The following C4orf46 variants were observed in gnomAD, a reference collection of about 807,000 sequenced individuals.
C4orf46 encodes the protein chromosome 4 open reading frame 46.
A neutral mutation model predicts 9.1 loss-of-function variants in C4orf46; 8 were observed. The observed-to-expected ratio is 0.88, with a 90% CI of 0.52 to 1.59. C4orf46 has a LOEUF of 1.59. C4orf46 is among the 40% of genes most tolerant of loss of function. The pLI is 0.00. For synonymous variants in C4orf46, 51 were observed against 58.8 expected, an observed-to-expected ratio of 0.87 and a Z score of 0.61; for missense variants, 151 against 139.1, an observed-to-expected ratio of 1.09 and a Z score of -0.43.
At position 158,671,591 on chromosome 4, in the gene C4orf46, G is replaced by C. The variant is rs373552594; in HGVS notation, c.186+25C>G. The C allele has an allele frequency of 6.2e-6, 9 of 1,460,412 alleles. No homozygotes were observed. The South Asian group carries it at 9.8e-5, about 16-fold the overall frequency. The allele number at this position is 1,460,412 out of a possible 1,614,324, so 90.5% of individuals were successfully genotyped here. On this transcript the variant is annotated intron_variant, in intron 1 of 1. Transcript: ENST00000379205. ...GGTCTTCCCAGAGGCGCCGAGGGGG[G>C]ACGCGGTCCCGACACCACACTCACG...
Position 158,667,627 on chromosome 4 carries a change from CAAGTTT to C in C4orf46, c.*1980_*1985del, listed in dbSNP as rs1773414249. 6.6e-6 allele frequency: 1 copy of C among 151,526 alleles called. No homozygotes were observed. The highest frequency in any genetic ancestry group is 2.1e-4 in the South Asian group (1 of 4,784). 9.4% of individuals were successfully genotyped at this position (151,526 alleles called of 1,614,324 possible). A position where few individuals can be genotyped will look rare whatever the true frequency, so the allele number is the denominator to read the frequency against. On this transcript the variant is annotated 3_prime_UTR_variant, in exon 2 of 2. Transcript: ENST00000379205. ...GCGAGATGGGAGGATTGTTTGAGTC[CAAGTTT>C]AAGGTTACAGTGAGCTATGATCCTG...
In C4orf46 at chr4:158,669,560, A is replaced by G. The variant is rs370015762; in HGVS notation, c.*53T>C. 1 of 1,564,182 alleles carries G rather than the reference A, an allele frequency of 6.4e-7. No individual in the cohort carries two copies. Among genetic ancestry groups the G allele is most frequent in the Admixed American group, 1.7e-5 (1 of 59,326 alleles). On this transcript the variant is annotated 3_prime_UTR_variant, in exon 2 of 2. Transcript: ENST00000379205. ...ATGTGTGGTACATGTACAAAATATGACATAAGAAGTATGAATTATTGCAGT... is the reference window on the plus strand; with the variant it reads ...ATGTGTGGTACATGTACAAAATATGGCATAAGAAGTATGAATTATTGCAGT...
In C4orf46 at chr4:158,671,049, ACC is replaced by A. The variant is rs1773521466; in HGVS notation, c.186+565_186+566del. The stretch of plus-strand genomic sequence containing the variant: ...AAAGAAGCCAATCCACGTGACCTAA[ACC>A]CTTCAAGCTGGGTCCAGCGCTAAGC... On this transcript the variant is annotated intron_variant, in intron 1 of 1. Coordinates refer to ENST00000379205, the MANE Select transcript of C4orf46 (RefSeq NM_001008393.4). 2.0e-5 allele frequency among the ~76,000 whole-genome samples: 3 copies of A among 152,194 alleles called. No homozygotes were observed. The South Asian group carries it at 6.2e-4, about 32-fold the overall frequency.
At chr4:158,669,950 G>A (rs1246188054) in intron 1 of C4orf46, among the ~76,000 whole-genome samples, 182 bp from the exon 2 acceptor site, 1 of 150,544 alleles carries the variant, frequency 6.6e-6, no homozygotes, top group Non-Finnish European at 1.5e-5. Context: ...ATATTGAGTA[G>A]ACTTTGAAGA....
intron 1 of C4orf46, among the ~76,000 whole-genome samples, chr4:158,670,752 C>G (rs1561231339): frequency 1.3e-5 from 2 of 152,260 alleles, no homozygotes; most frequent in East Asian, 3.9e-4. Flanking sequence ...ACTTGCGGAG[C>G]AATGAGATAA....
Position 158,669,616 on chromosome 4 carries a change from G to C in C4orf46, c.339C>G (p.Asp113Glu). Residue 113 changes from aspartate (D) to glutamate (E), a missense_variant, in exon 2 of 2, where the codon GAC (aspartate) becomes GAG (glutamate). By Grantham distance (45) the Asp-to-Glu change is conservative. Transcript: ENST00000379205. The stretch of plus-strand genomic sequence containing the variant: ...TTAAACAACGAAGTATGCCAAATCA[G>C]TCATCAGGTTTCAAAGAATCATAGC... ...KEGYDSLKPD[D>E] The C allele has an allele frequency of 6.2e-7, 1 of 1,611,976 alleles. No individual in the cohort carries two copies. The highest frequency in any genetic ancestry group is 8.5e-7 in the Non-Finnish European group (1 of 1,179,592).
Position 158,666,749 on chromosome 4 carries a change from T to C in C4orf46, c.*2864A>G, listed in dbSNP as rs568461197. 1 of 152,290 alleles carries C rather than the reference T, an allele frequency of 6.6e-6. No individual in the cohort carries two copies. The highest frequency in any genetic ancestry group is 2.4e-5 in the African/African-American group (1 of 41,556). 9.4% of individuals were successfully genotyped at this position (152,290 alleles called of 1,614,324 possible). ...CACAGGAGAAAACTCAATGAAAAGG[T>C]AAACACAAGTAGTGGCTTACAACTC... On this transcript the variant is annotated 3_prime_UTR_variant, in exon 2 of 2. Transcript: ENST00000379205.
chr4:158,671,234 T>C (rs574066337), intron 1 of C4orf46, among the ~76,000 whole-genome samples: 30 of 151,764 alleles, frequency 2.0e-4, no homozygotes, highest in South Asian at 6.2e-4. Context: ...CCGAAACCCA[T>C]GCAATGAAAA....
In C4orf46 at chr4:158,671,702, G is replaced by A. The variant is rs141418697; in HGVS notation, c.100C>T (p.Pro34Ser). The change falls in exon 1 of 2, where the codon CCA (proline) becomes TCA (serine). Residue 34 changes from proline (P) to serine (S), a missense_variant. By Grantham distance (74) the Pro-to-Ser change is moderately conservative. Transcript: ENST00000379205. ...DASAASSPGG[P>S]VSLGWPVPSR... is the part of the protein sequence containing the mutation. ...GGAACTGGCCAGCCCAAACTCACTG[G>A]GCCGCCCGGGGAAGATGCTGCAGAG... 2.5e-6 allele frequency: 4 copies of A among 1,610,390 alleles called. No individual in the cohort carries two copies. Among genetic ancestry groups the A allele is most frequent in the East Asian group, 4.5e-5 (2 of 44,724 alleles).
At chr4:158,671,268 A>C (rs901085880) in intron 1 of C4orf46, among the ~76,000 whole-genome samples, 1 of 152,224 alleles carries the variant, frequency 6.6e-6, no homozygotes, top group African/African-American at 2.4e-5. Context: ...GGAAAGGAGG[A>C]GGCAGAGAGC....
In C4orf46 at chr4:158,669,781, AG is replaced by A. The variant is rs1773469654; in HGVS notation, c.187-14del. 9 of 1,571,480 alleles carry A rather than the reference AG, an allele frequency of 5.7e-6. No homozygotes were observed. The East Asian group carries it at 1.4e-4, about 24-fold the overall frequency. On this transcript the variant is annotated splice_polypyrimidine_tract_variant and intron_variant, in intron 1 of 1. Coordinates refer to ENST00000379205, the MANE Select transcript of C4orf46 (RefSeq NM_001008393.4). ...ATGAAAAGGCTGCCTAAAAAAAAAA[AG>A]TCAAACATAATTTTATTTTTAAAAT...
intron 1 of C4orf46, among the ~76,000 whole-genome samples, chr4:158,671,100 T>C (rs1221600581): frequency 3.9e-5 from 6 of 152,224 alleles, no homozygotes; most frequent in Non-Finnish European, 5.9e-5. Flanking sequence ...ACAATGGCAT[T>C]ATCAGCTGTC....
rs976724086 is a variant in C4orf46, at chr4:158,669,507, C to T, written c.*106G>A. ...AGAAAAATTTCATTCTGAGTATATA[C>T]AGAACTGCTGGACAGAGGTCATCCT... On this transcript the variant is annotated 3_prime_UTR_variant, in exon 2 of 2. Coordinates refer to ENST00000379205, the MANE Select transcript of C4orf46 (RefSeq NM_001008393.4). 2.6e-6 allele frequency: 3 copies of T among 1,152,494 alleles called. No individual in the cohort carries two copies. The highest frequency in any genetic ancestry group is 3.1e-5 in the African/African-American group (2 of 64,358). The allele number at this position is 1,152,494 out of a possible 1,614,324, so 71.4% of individuals were successfully genotyped here.
At position 158,668,926 on chromosome 4, in the gene C4orf46, A is replaced by G. The variant is rs981301250; in HGVS notation, c.*687T>C. 2 of 152,224 alleles carry G rather than the reference A, an allele frequency of 1.3e-5. No homozygotes were observed. The highest frequency in any genetic ancestry group is 6.5e-5 in the Admixed American group (1 of 15,290). The allele number at this position is 152,224 out of a possible 1,614,324, so 9.4% of individuals were successfully genotyped here. A position where few individuals can be genotyped will look rare whatever the true frequency, so the allele number is the denominator to read the frequency against. ...CAAACAAGTACAAAAAATATTTATCATATATTTTTAAAACCTATCATCAAA... is the reference window on the plus strand; with the variant it reads ...CAAACAAGTACAAAAAATATTTATCGTATATTTTTAAAACCTATCATCAAA... On this transcript the variant is annotated 3_prime_UTR_variant, in exon 2 of 2. Transcript: ENST00000379205.
intron 1 of C4orf46, among the ~76,000 whole-genome samples, chr4:158,670,027 T>TTTTTTTTTTTTTC (rs1332982576): frequency 2.0e-4 from 13 of 65,680 alleles, no homozygotes; most frequent in African/African-American, 4.7e-4. Flanking sequence ...TGTTTTCTTT[T>TTTTTTTTTTTTTC]TTTTTTTTTT....
rs993458094 is a variant in C4orf46 at position 158,666,994 on chromosome 4, A to T, written c.*2619T>A. ...AAGCATCTTTATCAAAGAAGTTTGT[A>T]TGGCTTGCTACAGGTAGGAAAGGAC... is the stretch of plus-strand genomic sequence containing the variant. On this transcript the variant is annotated 3_prime_UTR_variant, in exon 2 of 2. Transcript: ENST00000379205. 14 of 152,220 alleles carry T rather than the reference A, an allele frequency of 9.2e-5. No homozygotes were observed. Among genetic ancestry groups the T allele is most frequent in the Admixed American group, 1.3e-4 (2 of 15,290 alleles). The allele number at this position is 152,220 out of a possible 1,614,324, so 9.4% of individuals were successfully genotyped here.
At chr4:158,670,087 G>A (rs1335638959) in intron 1 of C4orf46, among the ~76,000 whole-genome samples, 3 of 138,184 alleles carry the variant, frequency 2.2e-5, no homozygotes, top group Non-Finnish European at 3.0e-5. Flanking sequence ...GCAATGGCGC[G>A]ATCTTGGTTC....
In C4orf46 at chr4:158,671,853, A is replaced by G. The variant is rs766295469; in HGVS notation, c.-52T>C. ...GACCCGAGAAGCCGAACCGACACCA[A>G]CTGTCTTTTAACCACTCGCGCCCAA... is the stretch of plus-strand genomic sequence containing the variant. On this transcript the variant is annotated 5_prime_UTR_variant, in exon 1 of 2. Coordinates refer to ENST00000379205, the MANE Select transcript of C4orf46 (RefSeq NM_001008393.4). 5 of 1,404,074 alleles carry G rather than the reference A, an allele frequency of 3.6e-6. No individual in the cohort carries two copies. Among genetic ancestry groups the G allele is most frequent in the Non-Finnish European group, 4.7e-6 (5 of 1,059,712 alleles). The allele number at this position is 1,404,074 out of a possible 1,614,324, so 87.0% of individuals were successfully genotyped here. A position where few individuals can be genotyped will look rare whatever the true frequency, so the allele number is the denominator to read the frequency against.
chr4:158,669,445 CA>C lies in C4orf46; in HGVS notation c.*167del. On this transcript the variant is annotated 3_prime_UTR_variant, in exon 2 of 2. Transcript: ENST00000379205. ...AAGTACTGGTCCGCAACAAAAATAG[CA>C]TCGGTATTCTGCTTTCACAAAAACC... 1 of 571,014 alleles carries C rather than the reference CA, an allele frequency of 1.8e-6. No homozygotes were observed. The highest frequency in any genetic ancestry group is 3.0e-6 in the Non-Finnish European group (1 of 328,894). The allele number at this position is 571,014 out of a possible 1,614,324, so 35.4% of individuals were successfully genotyped here.
Sources: gnomAD v4.1 joint callset for allele counts (sites outside exome capture counted in the v4.1 genomes callset) on GRCh38, gnomAD v4.1.1 for gene constraint, MANE v1.5 for transcripts, NCBI Gene and HGNC (gene_info 2026-07-23, HGNC 2026-07-21) for gene names.